Variants in PPP3CA observed in about 807,000 individuals in gnomAD.
The protein encoded by PPP3CA is CAM-PRP catalytic subunit.
Under a neutral mutation model 66.5 loss-of-function variants are expected in PPP3CA, and 14 were observed. The ratio of observed to expected loss-of-function variants is 0.21; its 90% CI spans 0.14 to 0.33. PPP3CA has a LOEUF of 0.33. PPP3CA is among the 10% of genes least tolerant of loss of function. The pLI is 1.00. For synonymous variants in PPP3CA, 232 were observed against 226.2 expected, an observed-to-expected ratio of 1.03 and a Z score of -0.23; for missense variants, 317 against 639.5, an observed-to-expected ratio of 0.50 and a Z score of 5.44.
chr4:101,281,621 T>C (rs1380772836), intron 1 of PPP3CA, among the ~76,000 whole-genome samples: 3 of 152,228 alleles, frequency 2.0e-5, no homozygotes, highest in African/African-American at 4.8e-5. Context: ...TTAAGTTATT[T>C]AGGCTATGCT....
At chr4:101,253,338 A>G (rs1726738022) in intron 1 of PPP3CA, among the ~76,000 whole-genome samples, 1 of 152,190 alleles carries the variant, frequency 6.6e-6, no homozygotes, top group Admixed American at 6.5e-5. Flanking sequence ...GCACCGTTCC[A>G]CCATCTGCTC....
At chr4:101,139,099 C>T (rs1186768450) in intron 2 of PPP3CA, among the ~76,000 whole-genome samples, 1 of 152,090 alleles carries the variant, frequency 6.6e-6, no homozygotes, top group Non-Finnish European at 1.5e-5. Flanking sequence ...AATCCCAGCA[C>T]TTTGGGAAGC....
intron 1 of PPP3CA, among the ~76,000 whole-genome samples, chr4:101,203,576 G>C (rs755742433): frequency 6.6e-6 from 1 of 152,132 alleles, no homozygotes; most frequent in African/African-American, 2.4e-5. Context: ...ACCTGAGCAG[G>C]ACAGAGCCTC....
intron 1 of PPP3CA, 84 bp from the exon 2 acceptor site, chr4:101,196,200 A>C: frequency 4.2e-6 from 5 of 1,200,622 alleles, no homozygotes; most frequent in Non-Finnish European, 5.8e-6. Context: ...ATCCATCCTC[A>C]TCACAAACCA....
intron 1 of PPP3CA, among the ~76,000 whole-genome samples, chr4:101,320,210 C>T (rs1728997439): frequency 6.6e-6 from 1 of 150,762 alleles, no homozygotes; most frequent in South Asian, 2.1e-4. Flanking sequence ...TTTTTTATTT[C>T]AAGAAGTAGC....
At chr4:101,235,929 G>A (rs1560673417) in intron 1 of PPP3CA, among the ~76,000 whole-genome samples, 1 of 151,076 alleles carries the variant, frequency 6.6e-6, no homozygotes, top group Non-Finnish European at 1.5e-5. Flanking sequence ...CATTTAAAGG[G>A]CCTAAAAACA....
intron 1 of PPP3CA, among the ~76,000 whole-genome samples, chr4:101,268,521 A>G (rs1201803306): frequency 6.6e-6 from 1 of 152,136 alleles, no homozygotes; most frequent in Non-Finnish European, 1.5e-5. Flanking sequence ...AAATATGTCT[A>G]TACCACTATA....
At chr4:101,122,756 T>C (rs1722069431) in intron 2 of PPP3CA, among the ~76,000 whole-genome samples, 1 of 152,192 alleles carries the variant, frequency 6.6e-6, no homozygotes, top group African/African-American at 2.4e-5. Flanking sequence ...CATTATATTA[T>C]AAGGGTCTCA....
At chr4:101,301,620 G>A (rs1306173577) in intron 1 of PPP3CA, among the ~76,000 whole-genome samples, 1 of 148,170 alleles carries the variant, frequency 6.7e-6, no homozygotes, top group African/African-American at 2.5e-5. Flanking sequence ...AGCCTACCGA[G>A]TAGCTAGGAT....
rs1384222183 is a variant in PPP3CA at position 101,346,759 on chromosome 4, G to C, written c.38C>G (p.Thr13Arg). 6.2e-7 allele frequency: 1 copy of C among 1,611,638 alleles called. No individual in the cohort carries two copies. The highest frequency in any genetic ancestry group is 8.5e-7 in the Non-Finnish European group (1 of 1,179,244). The change falls in exon 1 of 14, where the codon ACG becomes AGG. Residue 13 changes from threonine (T) to arginine (R), a missense_variant. By Grantham distance (71) the Thr-to-Arg change is moderately conservative. Around this residue, in one of 3 missense-constraint regions of PPP3CA, gnomAD observed 76 missense variants for 99.5 expected, o/e 0.76. Coordinates refer to ENST00000394854, the MANE Select transcript of PPP3CA (RefSeq NM_000944.5). Reference protein sequence around the residue: ...EPKAIDPKLSTTDRVVKAVPF... With the variant: ...EPKAIDPKLSRTDRVVKAVPF... ...CTTACCTTTCACCACCCTGTCGGTCGTCGACAACTTGGGATCAATTGCCTT... is the reference window on the plus strand; with the variant it reads ...CTTACCTTTCACCACCCTGTCGGTCCTCGACAACTTGGGATCAATTGCCTT...
At chr4:101,066,684 T>C (rs1337852921) in intron 8 of PPP3CA, among the ~76,000 whole-genome samples, 3 of 151,902 alleles carry the variant, frequency 2.0e-5, no homozygotes, top group Admixed American at 1.3e-4. Context: ...CAGAAATACA[T>C]GAGAAAAAAA....
At chr4:101,044,667 A>T (rs1727681129) in intron 10 of PPP3CA, among the ~76,000 whole-genome samples, 1 of 151,916 alleles carries the variant, frequency 6.6e-6, no homozygotes, top group African/African-American at 2.4e-5. Context: ...TTAAGTTCTG[A>T]TCTTCTTTTA....
At chr4:101,227,726 C>G (rs886213848) in intron 1 of PPP3CA, among the ~76,000 whole-genome samples, 2 of 151,712 alleles carry the variant, frequency 1.3e-5, no homozygotes, top group Admixed American at 1.3e-4. Flanking sequence ...CTCCCCACCA[C>G]CTTCAAGTAG....
chr4:101,334,814 C>T (rs563804617), intron 1 of PPP3CA, among the ~76,000 whole-genome samples: 1 of 152,072 alleles, frequency 6.6e-6, no homozygotes, highest in South Asian at 2.1e-4. Flanking sequence ...TTTCTTCCCC[C>T]CAGAGATATA....
intron 2 of PPP3CA, among the ~76,000 whole-genome samples, chr4:101,178,527 C>T (rs2110172876): frequency 6.6e-6 from 1 of 152,212 alleles, no homozygotes; most frequent in Non-Finnish European, 1.5e-5. Flanking sequence ...TTGACCTCTA[C>T]TGGACAGACT....
At position 101,265,852 on chromosome 4, in the gene PPP3CA, T is replaced by C. The variant is rs184506329; in HGVS notation, c.59-69736A>G. On this transcript the variant is annotated intron_variant, in intron 1 of 13. Coordinates refer to ENST00000394854, the MANE Select transcript of PPP3CA (RefSeq NM_000944.5). ...TACAAAGTAGAGAAAGACCTGGTCA[T>C]GTAATAGAGGGGAATAAACATAGAA... Among the ~76,000 whole-genome samples the C allele has an allele frequency of 1.4e-3, 207 of 152,216 alleles. 1 individual carries two copies. The highest frequency in any genetic ancestry group is 2.4e-3 in the Non-Finnish European group (161 of 68,018).
intron 2 of PPP3CA, among the ~76,000 whole-genome samples, chr4:101,181,732 A>C (rs1437098570): frequency 6.6e-6 from 1 of 152,142 alleles, no homozygotes; most frequent in African/African-American, 2.4e-5. Flanking sequence ...GATTATATGA[A>C]TGTTTAGCAA....
intron 2 of PPP3CA, among the ~76,000 whole-genome samples, chr4:101,127,915 C>T (rs1359340354): frequency 2.0e-5 from 3 of 152,158 alleles, no homozygotes; most frequent in African/African-American, 4.8e-5. Flanking sequence ...AAGCAATTGT[C>T]CAAGCTGATA....
chr4:101,268,488 A>G (rs1727237089), intron 1 of PPP3CA, among the ~76,000 whole-genome samples: 1 of 152,068 alleles, frequency 6.6e-6, no homozygotes, highest in African/African-American at 2.4e-5. Context: ...ACGTAAAACC[A>G]TCTTCCTCTA....
Sources: allele counts gnomAD v4.1 joint callset (sites outside exome capture counted in the v4.1 genomes callset), GRCh38; gene constraint gnomAD v4.1.1; regional missense constraint gnomAD v4.1.1; transcripts MANE v1.5; gene names NCBI Gene and HGNC (gene_info 2026-07-23, HGNC 2026-07-21).